The following PSD3 variants were observed in gnomAD, a reference collection of about 807,000 sequenced individuals.
The protein encoded by PSD3 is pleckstrin and Sec7 domain containing 3.
In PSD3, 49 loss-of-function variants were observed where a neutral mutation model predicts 105.5. The observed-to-expected ratio is 0.46, with a 90% confidence interval of 0.37 to 0.59. The LOEUF (loss-of-function observed/expected upper bound fraction) is 0.59, where lower values mean the gene tolerates loss of function less well. PSD3 is among the 20% of genes least tolerant of loss of function. The pLI is 0.00. For synonymous variants in PSD3, 557 were observed against 457.8 expected (o/e 1.22, Z -2.77); for missense variants, 1,561 against 1,263.8 (o/e 1.24, Z -3.57).
At chr8:19,045,206 G>C (rs920438352) in intron 1 of PSD3, among the ~76,000 whole-genome samples, 3 of 151,568 alleles carry the variant, frequency 2.0e-5, no homozygotes, top group African/African-American at 7.3e-5. Context: ...CAAAAACCCA[G>C]AAAGAAAGAA....
chr8:18,803,957 A>G (rs1161344508), intron 6 of PSD3, among the ~76,000 whole-genome samples: 2 of 34,004 alleles, frequency 5.9e-5, no homozygotes, highest in Non-Finnish European at 1.6e-4. Flanking sequence ...TTCTAACACG[A>G]TAAAAAAACG....
intron 9 of PSD3, among the ~76,000 whole-genome samples, chr8:18,693,270 T>C (rs373753293): frequency 1.3e-4 from 20 of 152,308 alleles, no homozygotes; most frequent in African/African-American, 4.6e-4. Flanking sequence ...TTTCATACTC[T>C]GCCTCATCCA....
At chr8:18,782,780 T>C (rs1382885653) in intron 8 of PSD3, among the ~76,000 whole-genome samples, 1 of 152,176 alleles carries the variant, frequency 6.6e-6, no homozygotes, top group Admixed American at 6.5e-5. Flanking sequence ...GCTACAGCTT[T>C]GGGTGCCAGC....
chr8:18,591,110 G>A (rs1209791176), intron 12 of PSD3, among the ~76,000 whole-genome samples: 1 of 152,128 alleles, frequency 6.6e-6, no homozygotes, highest in African/African-American at 2.4e-5. Flanking sequence ...ATCCAGTGAA[G>A]AGGTTGTAGT....
intron 1 of PSD3, among the ~76,000 whole-genome samples, chr8:19,008,069 G>A (rs1457884801): frequency 6.6e-6 from 1 of 151,770 alleles, no homozygotes; most frequent in Admixed American, 6.6e-5. Context: ...TCTCAACTCC[G>A]CTGACCTCAG....
chr8:18,799,379 G>C (rs77215002), intron 7 of PSD3, 26 bp from the exon 8 acceptor site: 3 of 711,662 alleles, frequency 4.2e-6, no homozygotes, highest in Middle Eastern at 2.6e-4. Context: ...AGAAAAAAAA[G>C]CATGAATTCG....
In PSD3 at chr8:18,578,905, A is replaced by G. The variant is rs531014589; in HGVS notation, c.2482-3620T>C. Among the ~76,000 whole-genome samples the G allele has an allele frequency of 5.9e-5, 9 of 152,238 alleles. No individual in the cohort carries two copies. The South Asian group carries it at 1.9e-3, about 32-fold the overall frequency. Reference sequence around the variant, plus strand: ...TACCTTATACTGGAAGGAGAACACTATATACGGCATCAGTGGAAGACAGGA... The same window carrying G: ...TACCTTATACTGGAAGGAGAACACTGTATACGGCATCAGTGGAAGACAGGA... On this transcript the variant is annotated intron_variant, in intron 12 of 15. Transcript: ENST00000327040.
intron 2 of PSD3, among the ~76,000 whole-genome samples, chr8:18,915,208 C>G (rs894285380): frequency 1.3e-5 from 2 of 152,118 alleles, no homozygotes; most frequent in East Asian, 3.9e-4. Flanking sequence ...GGATTAAAGA[C>G]TTAAATGTAT....
intron 9 of PSD3, among the ~76,000 whole-genome samples, chr8:18,761,327 C>T (rs964375918): frequency 1.3e-5 from 2 of 152,166 alleles, no homozygotes; most frequent in African/African-American, 2.4e-5. Flanking sequence ...TAATCTCACT[C>T]GCCTCTAAAA....
chr8:18,738,447 G>T lies in PSD3; in HGVS notation c.2172+27002C>A, dbSNP rs116964056. 8.5e-5 allele frequency among the ~76,000 whole-genome samples: 13 copies of T among 152,270 alleles called. No individual in the cohort carries two copies. The East Asian group carries it at 2.5e-3, about 29-fold the overall frequency. On this transcript the variant is annotated intron_variant, in intron 9 of 15. Transcript: ENST00000327040. ...CATCTGCATTGTCAAGGAGGACAGG[G>T]CTGGCCTATGATGTTTATACTGTGA...
At chr8:18,771,866 T>C (rs1178464632) in intron 8 of PSD3, among the ~76,000 whole-genome samples, 1 of 152,246 alleles carries the variant, frequency 6.6e-6, no homozygotes, top group African/African-American at 2.4e-5. Flanking sequence ...TCAAACTCTA[T>C]ACCCATTAAA....
chr8:18,607,689 A>AAG (rs1804948589), intron 11 of PSD3, among the ~76,000 whole-genome samples: 1 of 128,926 alleles, frequency 7.8e-6, no homozygotes, highest in Non-Finnish European at 1.7e-5. Flanking sequence ...GCTACAAAAA[A>AAG]AAAAAACAAA....
chr8:18,878,579 T>C (rs1245704132), intron 2 of PSD3, among the ~76,000 whole-genome samples: 1 of 152,166 alleles, frequency 6.6e-6, no homozygotes, highest in East Asian at 1.9e-4. Context: ...ATACACACGC[T>C]CCTTTGCCTT....
chr8:18,758,317 T>C (rs546446479), intron 9 of PSD3, among the ~76,000 whole-genome samples: 7 of 152,220 alleles, frequency 4.6e-5, no homozygotes, highest in Non-Finnish European at 7.4e-5. Flanking sequence ...GTAGAAAATA[T>C]TGAAAAGTAG....
intron 12 of PSD3, among the ~76,000 whole-genome samples, chr8:18,583,400 C>T (rs992284545): frequency 6.6e-6 from 1 of 152,094 alleles, no homozygotes; most frequent in Non-Finnish European, 1.5e-5. Context: ...CATTGCACTC[C>T]AGTTTGGGTA....
chr8:18,826,446 T>TA (rs1813191745), intron 4 of PSD3, among the ~76,000 whole-genome samples: 1 of 152,242 alleles, frequency 6.6e-6, no homozygotes, highest in East Asian at 1.9e-4. Flanking sequence ...CTAACTTGCC[T>TA]AGTCCAACTT....
At chr8:18,589,624 T>A (rs1057165879) in intron 12 of PSD3, among the ~76,000 whole-genome samples, 3 of 152,170 alleles carry the variant, frequency 2.0e-5, no homozygotes, top group Non-Finnish European at 4.4e-5. Context: ...GCTCTGGTAA[T>A]ATGTAAAATG....
At chr8:19,022,654 C>G (rs191636293) in intron 1 of PSD3, among the ~76,000 whole-genome samples, 9 of 152,270 alleles carry the variant, frequency 5.9e-5, no homozygotes, top group Non-Finnish European at 1.0e-4. Flanking sequence ...TTTCCAGGAA[C>G]CATTTGGGAT....
chr8:18,968,021 C>T (rs746230656), intron 1 of PSD3, among the ~76,000 whole-genome samples: 1 of 152,144 alleles, frequency 6.6e-6, no homozygotes, highest in Non-Finnish European at 1.5e-5. Context: ...CTTTGAGGAA[C>T]TCACTGAGCA....
Sources: allele counts gnomAD v4.1 joint callset (sites outside exome capture counted in the v4.1 genomes callset), GRCh38; gene constraint gnomAD v4.1.1; transcripts MANE v1.5; gene names NCBI Gene and HGNC (gene_info 2026-07-23, HGNC 2026-07-21).